RBFOX1: variants seen among roughly 807,000 people sequenced by gnomAD.
RBFOX1 encodes the protein RNA binding fox-1 homolog 1, also known as RNA binding protein fox-1 homolog 1.
RBFOX1 carries 8 observed loss-of-function variants against 57.7 expected under a neutral mutation model. The observed-to-expected ratio is 0.14, with a 90% CI of 0.08 to 0.25. The LOEUF (loss-of-function observed/expected upper bound fraction) is 0.25. RBFOX1 is among the 10% of genes least tolerant of loss of function. RBFOX1 has a pLI of 1.00. For missense variants in RBFOX1, 611 were observed against 548.5 expected, an observed-to-expected ratio of 1.11 and a Z score of -1.14; for synonymous variants, 326 against 222.4, an observed-to-expected ratio of 1.47 and a Z score of -4.15.
At chr16:5,751,042 C>T (rs1189933201) in intron 3 of RBFOX1, among the ~76,000 whole-genome samples, 3 of 152,130 alleles carry the variant, frequency 2.0e-5, no homozygotes, top group Admixed American at 6.5e-5. Flanking sequence ...TGGGTTTCAC[C>T]ATGTTGACTG....
chr16:5,463,411 C>G (rs1363492115), intron 1 of RBFOX1, among the ~76,000 whole-genome samples: 2 of 152,040 alleles, frequency 1.3e-5, no homozygotes, highest in African/African-American at 4.8e-5. Context: ...CTTAGCAATA[C>G]TAGATTTTGA....
At chr16:6,214,805 G>A (rs2097323613) in intron 1 of RBFOX1, among the ~76,000 whole-genome samples, 1 of 100,768 alleles carries the variant, frequency 9.9e-6, no homozygotes, top group Admixed American at 9.9e-5. Context: ...GAGGGAGAGG[G>A]ACAGGGAGAG....
intron 4 of RBFOX1, among the ~76,000 whole-genome samples, chr16:7,399,379 A>G (rs2098198712): frequency 6.6e-6 from 1 of 152,184 alleles, no homozygotes; most frequent in South Asian, 2.1e-4. Context: ...CCTGGGAGGC[A>G]GAGGTTGCAG....
At chr16:5,785,989 G>A (rs1397424318) in intron 3 of RBFOX1, among the ~76,000 whole-genome samples, 5 of 151,984 alleles carry the variant, frequency 3.3e-5, no homozygotes, top group African/African-American at 1.2e-4. Flanking sequence ...TCCTTCTCTT[G>A]CCATTTCTCC....
At chr16:5,488,023 G>T (rs1383235486) in intron 2 of RBFOX1, among the ~76,000 whole-genome samples, 1 of 152,060 alleles carries the variant, frequency 6.6e-6, no homozygotes, top group African/African-American at 2.4e-5. Flanking sequence ...TGATGATGAT[G>T]GTTGTGGTGC....
At chr16:7,236,915 T>C (rs1332721719) in intron 4 of RBFOX1, among the ~76,000 whole-genome samples, 1 of 152,144 alleles carries the variant, frequency 6.6e-6, no homozygotes, top group Non-Finnish European at 1.5e-5. Context: ...TCTAGCAACA[T>C]TACTATAAAT....
At chr16:7,330,954 T>C (rs1377101220) in intron 4 of RBFOX1, among the ~76,000 whole-genome samples, 1 of 152,234 alleles carries the variant, frequency 6.6e-6, no homozygotes, top group East Asian at 1.9e-4. Flanking sequence ...TTAGAAACAG[T>C]ATCGGGCTGT....
chr16:5,500,484 A>G (rs1435404780), intron 2 of RBFOX1, among the ~76,000 whole-genome samples: 1 of 152,016 alleles, frequency 6.6e-6, no homozygotes, highest in Non-Finnish European at 1.5e-5. Flanking sequence ...CACCTCCCAA[A>G]GTGTTGGGAT....
chr16:6,708,955 G>C (rs2063266146), intron 3 of RBFOX1, among the ~76,000 whole-genome samples: 1 of 151,490 alleles, frequency 6.6e-6, no homozygotes, highest in African/African-American at 2.4e-5. Context: ...TAGTAGCGGT[G>C]GCTGGTTAAT....
chr16:5,321,293 G>C (rs533925857), intron 1 of RBFOX1, among the ~76,000 whole-genome samples: 4 of 151,666 alleles, frequency 2.6e-5, no homozygotes, highest in African/African-American at 9.7e-5. Flanking sequence ...GATCATTACT[G>C]TACTAAAACA....
At chr16:7,638,006 A>T (rs2062052934) in intron 11 of RBFOX1, among the ~76,000 whole-genome samples, 1 of 152,144 alleles carries the variant, frequency 6.6e-6, no homozygotes, top group South Asian at 2.1e-4. Context: ...TTCAATTTTG[A>T]TAGTCTGCTC....
intron 4 of RBFOX1, among the ~76,000 whole-genome samples, chr16:7,388,280 C>T (rs1408118852): frequency 6.6e-6 from 1 of 152,130 alleles, no homozygotes; most frequent in Admixed American, 6.5e-5. Flanking sequence ...GGAAAATCCT[C>T]AGAAGAAACT....
intron 2 of RBFOX1, among the ~76,000 whole-genome samples, chr16:5,540,208 G>A (rs916562596): frequency 1.3e-5 from 2 of 152,152 alleles, no homozygotes; most frequent in Non-Finnish European, 2.9e-5. Context: ...ACATCATTTT[G>A]TTTATACCTT....
intron 3 of RBFOX1, among the ~76,000 whole-genome samples, chr16:6,898,261 C>T (rs1376423511): frequency 6.6e-6 from 1 of 152,132 alleles, no homozygotes; most frequent in Non-Finnish European, 1.5e-5. Context: ...CTGTGATCAC[C>T]TGCCATCCTC....
intron 3 of RBFOX1, among the ~76,000 whole-genome samples, chr16:6,741,754 C>T (rs2072218216): frequency 6.6e-6 from 1 of 151,520 alleles, no homozygotes; most frequent in African/African-American, 2.4e-5. Flanking sequence ...GAAGAAAATA[C>T]TTGCAAATTT....
At chr16:7,101,019 C>A (rs1307892974) in intron 4 of RBFOX1, among the ~76,000 whole-genome samples, 1 of 152,078 alleles carries the variant, frequency 6.6e-6, no homozygotes, top group African/African-American at 2.4e-5. Context: ...ATGTTGCATA[C>A]AAGGATATAT....
intron 3 of RBFOX1, among the ~76,000 whole-genome samples, chr16:5,785,114 G>A (rs759172380): frequency 1.3e-5 from 2 of 152,124 alleles, no homozygotes; most frequent in African/African-American, 2.4e-5. Context: ...TACCTTCCAC[G>A]GATTTATTTT....
At chr16:7,355,343 G>A (rs1384077149) in intron 4 of RBFOX1, among the ~76,000 whole-genome samples, 2 of 152,090 alleles carry the variant, frequency 1.3e-5, no homozygotes, top group African/African-American at 2.4e-5. Flanking sequence ...ATTTTCTCAG[G>A]ACAGTTTCAA....
chr16:7,020,290 G>C (rs996026534), intron 3 of RBFOX1, among the ~76,000 whole-genome samples: 31 of 152,010 alleles, frequency 2.0e-4, no homozygotes, highest in African/African-American at 7.0e-4. Flanking sequence ...CAGAGGCACA[G>C]TCTTGGCTCA....
Sources: allele counts gnomAD v4.1 joint callset (sites outside exome capture counted in the v4.1 genomes callset), GRCh38; gene constraint gnomAD v4.1.1; transcripts MANE v1.5; gene names NCBI Gene and HGNC (gene_info 2026-07-23, HGNC 2026-07-21).